The following FAF1 variants were observed in gnomAD, a reference collection of about 807,000 sequenced individuals.
The protein encoded by FAF1 is FAS-associated factor 1.
A neutral mutation model predicts 92.5 loss-of-function variants in FAF1; 25 were observed. The observed-to-expected ratio is 0.27, with a 90% CI of 0.20 to 0.38. The LOEUF is 0.38. Ranked by LOEUF, FAF1 falls within the 10% of genes least tolerant of loss-of-function variation. FAF1 has a pLI of 1.00. For missense variants in FAF1, 636 were observed against 793.3 expected (o/e 0.80, Z 2.38); for synonymous variants, 234 against 273.2 (o/e 0.86, Z 1.42).
At chr1:50,739,237 T>C (rs1659267722) in intron 5 of FAF1, among the ~76,000 whole-genome samples, 2 of 151,890 alleles carry the variant, frequency 1.3e-5, no homozygotes, top group South Asian at 4.1e-4. Flanking sequence ...TATGCATACA[T>C]ATATATGTGT....
At chr1:50,849,738 A>G (rs931556116) in intron 2 of FAF1, among the ~76,000 whole-genome samples, 8 of 152,220 alleles carry the variant, frequency 5.3e-5, no homozygotes, top group Non-Finnish European at 1.5e-5. Context: ...TCCTTGTAAA[A>G]AAAAGAGTCA....
chr1:50,535,476 T>A lies in FAF1; in HGVS notation c.1406-19A>T. The A allele has an allele frequency of 6.9e-7, 1 of 1,444,804 alleles. No homozygotes were observed. The allele number at this position is 1,444,804 out of a possible 1,614,324, so 89.5% of individuals were successfully genotyped here. On this transcript the variant is annotated intron_variant, in intron 14 of 18. Coordinates refer to ENST00000396153, the MANE Select transcript of FAF1 (RefSeq NM_007051.3). ...GTGTTCCCTAAAAACATATAGAGAT[T>A]GCCAAACTTTTATAATCATTTTATA...
chr1:50,801,095 C>T (rs1661972761), intron 3 of FAF1, among the ~76,000 whole-genome samples: 1 of 152,210 alleles, frequency 6.6e-6, no homozygotes, highest in Non-Finnish European at 1.5e-5. Context: ...CTGGCCATAA[C>T]ACAAAACCTC....
chr1:50,517,552 T>G (rs1191542012), intron 15 of FAF1, among the ~76,000 whole-genome samples: 2 of 152,188 alleles, frequency 1.3e-5, no homozygotes, highest in African/African-American at 4.8e-5. Flanking sequence ...AAGAGGAAAT[T>G]GGAAACTGGC....
At chr1:50,746,277 TATATATATATATATA>T (rs1488463024) in intron 4 of FAF1, among the ~76,000 whole-genome samples, 19 of 19,230 alleles carry the variant, frequency 9.9e-4, no homozygotes, top group African/African-American at 2.8e-3. Context: ...TATATATATA[TATATATATATATATA>T]TTTTTTTTTT....
At chr1:50,581,894 C>T (rs1356317872) in intron 12 of FAF1, among the ~76,000 whole-genome samples, 2 of 152,160 alleles carry the variant, frequency 1.3e-5, no homozygotes, top group Non-Finnish European at 2.9e-5. Flanking sequence ...AGGCAGGAGC[C>T]AGATTGCTGA....
intron 8 of FAF1, among the ~76,000 whole-genome samples, chr1:50,635,797 A>C (rs1467533626): frequency 6.6e-6 from 1 of 152,166 alleles, no homozygotes; most frequent in Admixed American, 6.6e-5. Flanking sequence ...TTGGTTTCTT[A>C]GATTAGCGCA....
rs1484939214 is a variant in FAF1, at chr1:50,777,966, AAAG to A, written c.367+10031_367+10033del. ...ATTCAGCAGCTCCACTTGAAGGTCA[AAAG>A]AAGAATGTTTATGTATGCCAAAAAC... On this transcript the variant is annotated intron_variant, in intron 4 of 18. Transcript: ENST00000396153. 3.9e-5 allele frequency among the ~76,000 whole-genome samples: 6 copies of A among 152,306 alleles called. No homozygotes were observed. The East Asian group carries it at 5.8e-4, about 15-fold the overall frequency.
intron 2 of FAF1, among the ~76,000 whole-genome samples, chr1:50,834,862 A>G (rs1419433695): frequency 1.3e-5 from 2 of 152,234 alleles, no homozygotes; most frequent in Non-Finnish European, 2.9e-5. Context: ...ATGTAGTTCT[A>G]TAACAGATGT....
chr1:50,793,767 T>C (rs1486640394), intron 3 of FAF1, among the ~76,000 whole-genome samples: 1 of 152,220 alleles, frequency 6.6e-6, no homozygotes, highest in African/African-American at 2.4e-5. Context: ...TCTATAGAGA[T>C]CTTGATTAAC....
chr1:50,640,786 T>C (rs1654288438), intron 8 of FAF1, among the ~76,000 whole-genome samples: 1 of 151,422 alleles, frequency 6.6e-6, no homozygotes, highest in Admixed American at 6.6e-5. Flanking sequence ...TCATATCTAG[T>C]CTCTTTTTCT....
At chr1:50,696,875 G>A (rs1264447323) in intron 7 of FAF1, among the ~76,000 whole-genome samples, 1 of 152,122 alleles carries the variant, frequency 6.6e-6, no homozygotes, top group Non-Finnish European at 1.5e-5. Context: ...CTTGGTGTAA[G>A]TCCAAAAATT....
At chr1:50,649,173 TAGAC>T (rs1340159423) in intron 8 of FAF1, among the ~76,000 whole-genome samples, 1 of 151,698 alleles carries the variant, frequency 6.6e-6, no homozygotes. Context: ...TTTTTTTTTT[TAGAC>T]AGAGTTTTGC....
At chr1:50,556,552 T>C (rs769871409) in intron 13 of FAF1, among the ~76,000 whole-genome samples, 12 of 151,956 alleles carry the variant, frequency 7.9e-5, no homozygotes, top group African/African-American at 2.2e-4. Flanking sequence ...AAAAAGAAAA[T>C]TGGCCAGGCA....
At chr1:50,615,023 T>C (rs1217322516) in intron 8 of FAF1, among the ~76,000 whole-genome samples, 1 of 152,134 alleles carries the variant, frequency 6.6e-6, no homozygotes, top group Non-Finnish European at 1.5e-5. Flanking sequence ...ATAGGTAGTT[T>C]TACAACCCAC....
chr1:50,861,472 T>A (rs1644432025), intron 1 of FAF1, among the ~76,000 whole-genome samples: 1 of 151,744 alleles, frequency 6.6e-6, no homozygotes, highest in South Asian at 2.1e-4. Flanking sequence ...AAAAACCGTA[T>A]GTTCTTACTT....
intron 4 of FAF1, among the ~76,000 whole-genome samples, chr1:50,755,345 C>T (rs1036752032): frequency 2.0e-5 from 3 of 152,212 alleles, no homozygotes; most frequent in Non-Finnish European, 2.9e-5. Flanking sequence ...AATCTTAAAG[C>T]TCCAAAATGA....
intron 12 of FAF1, 37 bp from the exon 13 acceptor site, chr1:50,567,268 C>A: frequency 6.7e-7 from 1 of 1,503,208 alleles, no homozygotes; most frequent in Non-Finnish European, 9.0e-7. Context: ...ATTAAAATAT[C>A]CACTAATGTA....
chr1:50,765,007 A>C (rs1469550209), intron 4 of FAF1, among the ~76,000 whole-genome samples: 1 of 152,228 alleles, frequency 6.6e-6, no homozygotes, highest in Admixed American at 6.5e-5. Flanking sequence ...TCACCTAACA[A>C]TTTATCTTAC....
Sources: allele counts gnomAD v4.1 joint callset (sites outside exome capture counted in the v4.1 genomes callset), GRCh38; gene constraint gnomAD v4.1.1; transcripts MANE v1.5; gene names NCBI Gene and HGNC (gene_info 2026-07-23, HGNC 2026-07-21).